XPOT: variants seen among roughly 807,000 people sequenced by gnomAD.
XPOT encodes the protein exportin for tRNA, also known as exportin-T.
A neutral mutation model predicts 128.2 loss-of-function variants in XPOT; 34 were observed. The ratio of observed to expected loss-of-function variants is 0.27; its 90% CI spans 0.20 to 0.35. XPOT has a LOEUF of 0.35. Among genes scored for constraint, XPOT ranks in the 10% least tolerant of loss-of-function variants. XPOT has a pLI of 1.00. For synonymous variants in XPOT, 348 were observed against 394.3 expected, an observed-to-expected ratio of 0.88 and a Z score of 1.39; for missense variants, 838 against 1,125.3, an observed-to-expected ratio of 0.74 and a Z score of 3.65.
At position 64,434,539 on chromosome 12, in the gene XPOT, G is replaced by C; in HGVS notation, c.2485G>C (p.Val829Leu). The C allele has an allele frequency of 6.2e-7, 1 of 1,614,016 alleles. No individual in the cohort carries two copies. The highest frequency in any genetic ancestry group is 8.5e-7 in the Non-Finnish European group (1 of 1,179,912). The change falls in exon 20 of 25, where the codon GTT becomes CTT. Residue 829 changes from valine to leucine, a missense_variant. By Grantham distance (32) the Val-to-Leu change is conservative (BLOSUM62 1). This residue lies in a region of XPOT where 761 missense variants were observed against 988.3 expected (regional missense o/e 0.77). Coordinates refer to ENST00000332707, the MANE Select transcript of XPOT (RefSeq NM_007235.6). ...AENVERVLVT[V>L]IQGAVEYPDP... ...GAATGTAGAAAGAGTGTTGGTTACT[G>C]TTATCCAAGGAGCAGTTGAATATCC...
In XPOT at chr12:64,416,682, T is replaced by C. The variant is rs761661144; in HGVS notation, c.144-16T>C. 1.2e-6 allele frequency: 2 copies of C among 1,604,848 alleles called. No individual in the cohort carries two copies. Among genetic ancestry groups the C allele is most frequent in the East Asian group, 2.2e-5 (1 of 44,806 alleles). On this transcript the variant is annotated splice_polypyrimidine_tract_variant and intron_variant, in intron 3 of 24. Coordinates refer to ENST00000332707, the MANE Select transcript of XPOT (RefSeq NM_007235.6). The stretch of plus-strand genomic sequence containing the variant: ...TTCATATTCTGCTTATCTCATTTTC[T>C]TTTTTTCTTTTTCAGTGATGATCAT...
At chr12:64,445,168 T>C (rs2040358434) in intron 24 of XPOT, 37 bp downstream of exon 24, 2 of 1,506,510 alleles carry the variant, frequency 1.3e-6, no homozygotes, top group South Asian at 1.2e-5. Flanking sequence ...TTCATACAAT[T>C]AGGTAATGTT....
intron 2 of XPOT, among the ~76,000 whole-genome samples, chr12:64,413,867 A>T (rs1030482587): frequency 1.4e-4 from 22 of 152,234 alleles, no homozygotes; most frequent in Non-Finnish European, 2.6e-4. Context: ...TTTCATTTTT[A>T]AAAATTATTG....
intron 22 of XPOT, among the ~76,000 whole-genome samples, chr12:64,436,951 C>A (rs2040287617): frequency 6.6e-6 from 1 of 152,152 alleles, no homozygotes; most frequent in Admixed American, 6.5e-5. Flanking sequence ...AAAAATTCTT[C>A]CCTCCAGCCT....
At chr12:64,435,729 C>T in intron 22 of XPOT, 55 bp downstream of exon 22, 1 of 1,513,900 alleles carries the variant, frequency 6.6e-7, no homozygotes, top group Non-Finnish European at 8.9e-7. Context: ...GTATTATTAT[C>T]TTGTTCTTGA....
At chr12:64,429,301 G>A (rs1470770184) in intron 16 of XPOT, among the ~76,000 whole-genome samples, 2 of 152,114 alleles carry the variant, frequency 1.3e-5, no homozygotes, top group South Asian at 2.1e-4. Flanking sequence ...GATGGTGCCC[G>A]CCAACACTGA....
intron 24 of XPOT, among the ~76,000 whole-genome samples, chr12:64,447,765 A>G (rs2040377493): frequency 6.6e-6 from 1 of 152,182 alleles, no homozygotes; most frequent in Non-Finnish European, 1.5e-5. Flanking sequence ...CCCGTCCTCA[A>G]TATTTAATTT....
In XPOT at chr12:64,431,856, T is replaced by C. The variant is rs79541513; in HGVS notation, c.2262+33T>C. 7 of 1,593,954 alleles carry C rather than the reference T, an allele frequency of 4.4e-6. No homozygotes were observed. In the East Asian group the frequency reaches 1.6e-4, roughly 36 times the overall value. ...AAACTTTCAGAGCTCTGAAAATCTC[T>C]TGAAGATCAGATGTATTTATCTTCA... is the stretch of plus-strand genomic sequence containing the variant. On this transcript the variant is annotated intron_variant, in intron 18 of 24. Coordinates refer to ENST00000332707, the MANE Select transcript of XPOT (RefSeq NM_007235.6).
intron 17 of XPOT, among the ~76,000 whole-genome samples, chr12:64,430,529 G>T (rs537487672): frequency 4.0e-5 from 6 of 149,966 alleles, no homozygotes; most frequent in Non-Finnish European, 8.9e-5. Flanking sequence ...ATATAAATGG[G>T]TTGTGTGTTT....
chr12:64,443,708 A>T (rs562117189), intron 23 of XPOT, among the ~76,000 whole-genome samples: 3 of 151,046 alleles, frequency 2.0e-5, no homozygotes, highest in South Asian at 4.2e-4. Flanking sequence ...GGCCACTTTG[A>T]CCTCCCAAAG....
intron 2 of XPOT, among the ~76,000 whole-genome samples, chr12:64,413,617 T>C (rs2040060274): frequency 6.6e-6 from 1 of 152,204 alleles, no homozygotes; most frequent in Admixed American, 6.5e-5. Flanking sequence ...GGAGCAGCCA[T>C]TGAGACCATG....
At position 64,424,741 on chromosome 12, in the gene XPOT, T is replaced by A. The variant is rs1409430728; in HGVS notation, c.1307+18T>A. ...ACACTGCAGTAAGTTTGTCATTACT[T>A]TTGTAACAAGCCTACTTCTTTCTTT... On this transcript the variant is annotated intron_variant, in intron 12 of 24. Transcript: ENST00000332707. The A allele has an allele frequency of 1.9e-6, 3 of 1,611,710 alleles. No individual in the cohort carries two copies. Among genetic ancestry groups the A allele is most frequent in the South Asian group, 1.1e-5 (1 of 90,790 alleles).
chr12:64,430,345 T>C, intron 17 of XPOT, 58 bp downstream of exon 17: 1 of 1,326,510 alleles, frequency 7.5e-7, no homozygotes, highest in Non-Finnish European at 1.0e-6. Context: ...ACAGAACCAC[T>C]TGTTTGGTGG....
chr12:64,444,317 C>T (rs1371497037), intron 23 of XPOT, among the ~76,000 whole-genome samples: 1 of 152,166 alleles, frequency 6.6e-6, no homozygotes, highest in Non-Finnish European at 1.5e-5. Context: ...TTGACAAGTA[C>T]TGACATTTGA....
At chr12:64,418,701 C>T (rs2040110281) in intron 5 of XPOT, among the ~76,000 whole-genome samples, 175 bp from the exon 6 acceptor site, 1 of 152,060 alleles carries the variant, frequency 6.6e-6, no homozygotes, top group Non-Finnish European at 1.5e-5. Context: ...CACTTAAATA[C>T]TTTTGATAAT....
In XPOT at chr12:64,415,862, A is replaced by G. The variant is rs115725023; in HGVS notation, c.144-836A>G. Among the ~76,000 whole-genome samples the G allele has an allele frequency of 8.0e-3, 1,218 of 152,308 alleles. 14 individuals carry two copies. Among genetic ancestry groups the G allele is most frequent in the African/African-American group, 0.027 (1,136 of 41,554 alleles). ...GTCTCTGTACAATGAGTGACGATCC[A>G]TAGATTTTTAAGATATTTGTCCCCG... On this transcript the variant is annotated intron_variant, in intron 3 of 24. Coordinates refer to ENST00000332707, the MANE Select transcript of XPOT (RefSeq NM_007235.6).
chr12:64,433,353 T>A, intron 18 of XPOT, 61 bp from the exon 19 acceptor site: 2 of 1,445,472 alleles, frequency 1.4e-6, no homozygotes, highest in Non-Finnish European at 9.2e-7. Flanking sequence ...TAAAATAGTT[T>A]TTTCTAAGTT....
chr12:64,445,995 A>G (rs2040364435), intron 24 of XPOT, among the ~76,000 whole-genome samples: 2 of 152,208 alleles, frequency 1.3e-5, no homozygotes, highest in South Asian at 4.1e-4. Context: ...TTCCCTTGTC[A>G]GTTTTTTCTT....
chr12:64,418,756 G>A (rs2040110942), intron 5 of XPOT, 120 bp from the exon 6 acceptor site: 1 of 751,078 alleles, frequency 1.3e-6, no homozygotes, highest in East Asian at 2.7e-5. Flanking sequence ...AGTATTTGTT[G>A]CATAGTTTAT....
Sources: gnomAD v4.1 joint callset for allele counts (sites outside exome capture counted in the v4.1 genomes callset) on GRCh38, gnomAD v4.1.1 for gene constraint, gnomAD v4.1.1 regional missense constraint, MANE v1.5 for transcripts, NCBI Gene and HGNC (gene_info 2026-07-23, HGNC 2026-07-21) for gene names.